The following ABL1 variants were observed in gnomAD, a reference collection of about 807,000 sequenced individuals.
ABL1 encodes the protein tyrosine-protein kinase ABL1.
ABL1 carries 11 observed loss-of-function variants against 94.7 expected under a neutral mutation model. The observed-to-expected ratio is 0.12, with a 90% CI of 0.07 to 0.19. The LOEUF (loss-of-function observed/expected upper bound fraction) is 0.19, where lower values mean the gene tolerates loss of function less well. ABL1 is among the 10% of genes least tolerant of loss of function. The probability of loss-of-function intolerance (pLI) is 1.00; values close to 1 mark genes in which losing one functional copy is unlikely to be tolerated. For synonymous variants in ABL1, 656 were observed against 622.4 expected, an observed-to-expected ratio of 1.05 and a Z score of -0.80; for missense variants, 1,082 against 1,489.4, an observed-to-expected ratio of 0.73 and a Z score of 4.50.
chr9:130,750,227 A>ATATATATATATC (rs1831941619), intron 1 of ABL1, among the ~76,000 whole-genome samples: 2 of 132,914 alleles, frequency 1.5e-5, no homozygotes, highest in Non-Finnish European at 3.2e-5. Flanking sequence ...ATATATATAT[A>ATATATATATATC]TATATATATC....
intron 1 of ABL1, among the ~76,000 whole-genome samples, chr9:130,789,684 T>A (rs1282464465): frequency 3.3e-5 from 5 of 152,116 alleles, no homozygotes; most frequent in East Asian, 1.9e-4. Context: ...ATTGAAAATA[T>A]GAGGAAAGAG....
At position 130,884,231 on chromosome 9, in the gene ABL1, T is replaced by C. The variant is rs1196344636; in HGVS notation, c.1941T>C (p.Ala647=). 3 of 1,606,184 alleles carry C rather than the reference T, an allele frequency of 1.9e-6. No individual in the cohort carries two copies. Among genetic ancestry groups the C allele is most frequent in the Non-Finnish European group, 2.5e-6 (3 of 1,176,960 alleles). The change falls in exon 11 of 11, where the codon GCT becomes GCC. Residue 647 remains alanine, a synonymous_variant. Coordinates refer to ENST00000318560, the MANE Select transcript of ABL1 (RefSeq NM_005157.6). The surrounding 1 kb of genome is among the most constrained non-coding windows in gnomAD (Gnocchi z 5.6). The part of the protein sequence containing the change: ...EGRDISNGAL[A]FTPLDTADPA... Reference sequence around the variant, plus strand: ...GAGACATCAGCAACGGGGCACTGGCTTTCACCCCCTTGGACACAGCTGACC... The same window carrying C: ...GAGACATCAGCAACGGGGCACTGGCCTTCACCCCCTTGGACACAGCTGACC...
intron 1 of ABL1, among the ~76,000 whole-genome samples, chr9:130,720,422 C>G (rs902501934): frequency 5.9e-5 from 9 of 151,952 alleles, no homozygotes; most frequent in Non-Finnish European, 1.3e-4. Flanking sequence ...AATTTCAGGC[C>G]GAGGGAACCA....
At chr9:130,807,669 TA>T (rs1554765595) in intron 1 of ABL1, among the ~76,000 whole-genome samples, 73 of 4,826 alleles carry the variant, frequency 0.015, no homozygotes, top group Admixed American at 0.074. Context: ...TCCTTAATTT[TA>T]TATATATATA....
chr9:130,783,429 G>A (rs1263360832), intron 1 of ABL1, among the ~76,000 whole-genome samples: 1 of 152,156 alleles, frequency 6.6e-6, no homozygotes, highest in Non-Finnish European at 1.5e-5. Flanking sequence ...TTCTGATAAC[G>A]GGGGACCAAA....
At chr9:130,785,761 A>T (rs1365178168) in intron 1 of ABL1, among the ~76,000 whole-genome samples, 1 of 151,808 alleles carries the variant, frequency 6.6e-6, no homozygotes, top group African/African-American at 2.4e-5. Context: ...CGTCTCTACT[A>T]AAAATACAAA....
chr9:130,809,720 C>T (rs868417875), intron 1 of ABL1, among the ~76,000 whole-genome samples: 59 of 152,156 alleles, frequency 3.9e-4, no homozygotes, highest in African/African-American at 1.4e-3. Context: ...CAATTCAGGC[C>T]TTTAACAGAT....
At chr9:130,733,751 C>T (rs997079212) in intron 1 of ABL1, among the ~76,000 whole-genome samples, 14 of 151,646 alleles carry the variant, frequency 9.2e-5, no homozygotes, top group African/African-American at 2.7e-4. Context: ...CCACCACGCC[C>T]GGCTAACTTT....
intron 1 of ABL1, among the ~76,000 whole-genome samples, chr9:130,750,053 C>T (rs769261384): frequency 6.6e-6 from 1 of 151,076 alleles, no homozygotes; most frequent in Non-Finnish European, 1.5e-5. Context: ...TGGTGGTGCA[C>T]GCCTGTGTTC....
At chr9:130,739,558 A>G (rs1831790989) in intron 1 of ABL1, among the ~76,000 whole-genome samples, 1 of 152,228 alleles carries the variant, frequency 6.6e-6, no homozygotes, top group African/African-American at 2.4e-5. Flanking sequence ...CAGCATGATC[A>G]ATGATACTTT....
intron 4 of ABL1, among the ~76,000 whole-genome samples, chr9:130,866,466 C>G (rs1831158775): frequency 6.6e-6 from 1 of 152,160 alleles, no homozygotes; most frequent in Non-Finnish European, 1.5e-5. Flanking sequence ...GCGTCCTTCC[C>G]TCAGCCGATT....
rs200984542 is a variant in ABL1 at position 130,862,984 on chromosome 9, C to T, written c.771C>T (p.Tyr257=). ...GCGGGGGCCAGTACGGGGAGGTGTA[C>T]GAGGGCGTGTGGAAGAAATACAGCC... The part of the protein sequence containing the change: ...KLGGGQYGEV[Y]EGVWKKYSLT... Residue 257 remains tyrosine, a synonymous_variant, in exon 4 of 11, where the codon TAC becomes TAT. Coordinates refer to ENST00000318560, the MANE Select transcript of ABL1 (RefSeq NM_005157.6). The surrounding 1 kb of genome is among the most constrained non-coding windows in gnomAD (Gnocchi z 5.5). The T allele has an allele frequency of 4.3e-5, 70 of 1,613,648 alleles. No homozygotes were observed. Among genetic ancestry groups the T allele is most frequent in the South Asian group, 8.8e-5 (8 of 91,052 alleles).
intron 1 of ABL1, among the ~76,000 whole-genome samples, chr9:130,725,493 GCCTCAC>G (rs1168219110): frequency 6.6e-6 from 1 of 152,110 alleles, no homozygotes; most frequent in Non-Finnish European, 1.5e-5. Context: ...CAGTTCTTCT[GCCTCAC>G]CCTCCCAAGT....
At chr9:130,826,616 T>TA (rs1830428907) in intron 1 of ABL1, among the ~76,000 whole-genome samples, 1 of 151,940 alleles carries the variant, frequency 6.6e-6, no homozygotes, top group South Asian at 2.1e-4. Flanking sequence ...GGTCAGAAAT[T>TA]AGAGACATTA....
At chr9:130,861,593 T>C (rs2132970477) in intron 3 of ABL1, among the ~76,000 whole-genome samples, 1 of 152,232 alleles carries the variant, frequency 6.6e-6, no homozygotes, top group East Asian at 1.9e-4. Context: ...ATTACAGTTA[T>C]AGCTGAAGCC....
intron 7 of ABL1, among the ~76,000 whole-genome samples, chr9:130,875,807 C>T (rs1396227234): frequency 1.3e-5 from 2 of 151,930 alleles, no homozygotes; most frequent in Non-Finnish European, 2.9e-5. Flanking sequence ...CCTTCCTTTC[C>T]TCCCCTCTCC....
chr9:130,875,007 G>A lies in ABL1; in HGVS notation c.1225G>A (p.Glu409Lys), dbSNP rs1831316639. 1 of 1,614,106 alleles carries A rather than the reference G, an allele frequency of 6.2e-7. No homozygotes were observed. Among genetic ancestry groups the A allele is most frequent in the African/African-American group, 1.3e-5 (1 of 74,936 alleles). Residue 409 changes from glutamate (E) to lysine (K), a missense_variant, in exon 7 of 11, where the codon GAG becomes AAG. Physicochemically the swap from Glu to Lys is moderately conservative, Grantham distance 56. Transcript: ENST00000318560. ...GTTCCCCATCAAATGGACTGCACCC[G>A]AGAGCCTGGCCTACAACAAGTTCTC... The part of the protein sequence containing the change: ...AKFPIKWTAP[E>K]SLAYNKFSIK...
chr9:130,851,435 A>C (rs942272010), intron 1 of ABL1, among the ~76,000 whole-genome samples: 27 of 152,178 alleles, frequency 1.8e-4, no homozygotes. Context: ...GTAGTACAGA[A>C]GCGAGACTTG....
intron 1 of ABL1, among the ~76,000 whole-genome samples, chr9:130,815,265 C>T (rs1422446500): frequency 1.3e-5 from 2 of 152,092 alleles, no homozygotes; most frequent in Non-Finnish European, 2.9e-5. Flanking sequence ...ACCCGGGAGG[C>T]GGAGGTTGCA....
Sources: gnomAD v4.1 joint callset for allele counts (sites outside exome capture counted in the v4.1 genomes callset) on GRCh38, gnomAD v4.1.1 for gene constraint, Gnocchi (gnomAD v3.1) non-coding constraint, MANE v1.5 for transcripts, NCBI Gene and HGNC (gene_info 2026-07-23, HGNC 2026-07-21) for gene names.